The following TBC1D8 variants were observed in gnomAD, a reference collection of about 807,000 sequenced individuals.
The protein encoded by TBC1D8 is TBC1 domain family member 8, also known as BUB2-like protein 1.
Under a neutral mutation model 118.8 loss-of-function variants are expected in TBC1D8, and 65 were observed. The ratio of observed to expected loss-of-function variants is 0.55; its 90% CI spans 0.45 to 0.67. TBC1D8 has a LOEUF of 0.67. Ranked by LOEUF, TBC1D8 falls within the 30% of genes least tolerant of loss-of-function variation. The pLI, the probability that TBC1D8 is intolerant of heterozygous loss-of-function variation, is 0.00. For synonymous variants in TBC1D8, 566 were observed against 595.8 expected (o/e 0.95, Z 0.73); for missense variants, 1,376 against 1,471.2 (o/e 0.94, Z 1.06).
At chr2:101,022,124 G>C (rs1273174294) in intron 16 of TBC1D8, among the ~76,000 whole-genome samples, 157 bp downstream of exon 16, 1 of 152,120 alleles carries the variant, frequency 6.6e-6, no homozygotes, top group Non-Finnish European at 1.5e-5. Flanking sequence ...TCCTGAGAGG[G>C]GCCTGCAGAG....
intron 4 of TBC1D8, 44 bp from the exon 5 acceptor site, chr2:101,050,685 G>T: frequency 6.3e-7 from 1 of 1,592,690 alleles, no homozygotes; most frequent in South Asian, 1.1e-5. Flanking sequence ...CATGAAATTT[G>T]AGCCAAACTT....
At chr2:101,109,301 G>A (rs936470327) in intron 1 of TBC1D8, among the ~76,000 whole-genome samples, 9 of 152,150 alleles carry the variant, frequency 5.9e-5, no homozygotes, top group East Asian at 1.9e-4. Context: ...GGGAAGATAC[G>A]GGTGAGAAAA....
intron 11 of TBC1D8, among the ~76,000 whole-genome samples, chr2:101,030,179 C>G (rs1680585284): frequency 1.3e-5 from 2 of 152,132 alleles, no homozygotes; most frequent in Admixed American, 1.3e-4. Flanking sequence ...AAATTGTAAA[C>G]TGGACTTCAT....
intron 1 of TBC1D8, among the ~76,000 whole-genome samples, chr2:101,107,395 C>A (rs1231084436): frequency 6.6e-6 from 1 of 151,888 alleles, no homozygotes; most frequent in African/African-American, 2.4e-5. Flanking sequence ...TATGGAAGAT[C>A]CAATCTCTCT....
intron 1 of TBC1D8, among the ~76,000 whole-genome samples, chr2:101,117,871 G>A (rs1348352771): frequency 7.3e-6 from 1 of 136,500 alleles, no homozygotes; most frequent in Admixed American, 8.0e-5. Context: ...CACCGCACCC[G>A]GCCTTTTTTT....
At chr2:101,106,831 A>T (rs1196716446) in intron 1 of TBC1D8, among the ~76,000 whole-genome samples, 3 of 152,216 alleles carry the variant, frequency 2.0e-5, no homozygotes, top group Non-Finnish European at 4.4e-5. Flanking sequence ...ACTGTGCCCT[A>T]CAGTGCACTG....
intron 1 of TBC1D8, among the ~76,000 whole-genome samples, chr2:101,091,898 C>G (rs1348514139): frequency 6.6e-6 from 1 of 152,192 alleles, no homozygotes; most frequent in Non-Finnish European, 1.5e-5. Flanking sequence ...TTAACCACCT[C>G]AAGTGTAAAG....
chr2:101,083,581 T>C (rs1441944203), intron 2 of TBC1D8, among the ~76,000 whole-genome samples: 1 of 152,204 alleles, frequency 6.6e-6, no homozygotes, highest in Non-Finnish European at 1.5e-5. Context: ...TGCCAAATAA[T>C]AATGTAGTTC....
rs985895936 is a variant in TBC1D8 at position 101,124,000 on chromosome 2, G to C, written c.127+27127C>G. On this transcript the variant is annotated intron_variant, in intron 1 of 19. Transcript: ENST00000409318. Reference sequence around the variant, plus strand: ...AACATCGGCCATGGACTTGGTGCTTGGACTCAATCTCCAGCCCCTGTTGTC... The same window carrying C: ...AACATCGGCCATGGACTTGGTGCTTCGACTCAATCTCCAGCCCCTGTTGTC... Among the ~76,000 whole-genome samples, 4 of 152,156 alleles carry C rather than the reference G, an allele frequency of 2.6e-5. No individual in the cohort carries two copies. In the South Asian group the frequency reaches 6.2e-4, roughly 24 times the overall value.
intron 1 of TBC1D8, among the ~76,000 whole-genome samples, chr2:101,134,778 G>C (rs1678765930): frequency 6.6e-6 from 1 of 152,224 alleles, no homozygotes. Context: ...TTAGGGGGCA[G>C]GGGGACACAT....
At chr2:101,075,540 A>C (rs537066195) in intron 2 of TBC1D8, among the ~76,000 whole-genome samples, 4 of 152,266 alleles carry the variant, frequency 2.6e-5, no homozygotes, top group South Asian at 4.1e-4. Context: ...TCATGAGGGC[A>C]GTTTCCCACA....
In TBC1D8 at chr2:101,022,284, G is replaced by C. The variant is rs1297714872; in HGVS notation, c.2758C>G (p.Leu920Val). ...GCGAAATCCCACAGAGGCATACCGA[G>C]GCAGCTCACAAACGCTTTGAACTCG... is the stretch of plus-strand genomic sequence containing the variant. ...LIEFKAFVSC[L>V]DIMYNGEMNE... The change falls in exon 16 of 20, where the codon CTC becomes GTC. Residue 920 changes from leucine to valine, a missense_variant. Leu to Val is a conservative substitution (Grantham distance 32). Coordinates refer to ENST00000409318, the MANE Select transcript of TBC1D8 (RefSeq NM_001330348.2). 6.2e-7 allele frequency: 1 copy of C among 1,613,442 alleles called. No homozygotes were observed. Among genetic ancestry groups the C allele is most frequent in the African/African-American group, 1.3e-5 (1 of 74,912 alleles).
chr2:101,091,552 T>C (rs1423868027), intron 1 of TBC1D8, among the ~76,000 whole-genome samples: 2 of 151,832 alleles, frequency 1.3e-5, no homozygotes, highest in Admixed American at 1.3e-4. Context: ...CAGTGAGATC[T>C]CATCTCTACA....
rs374347377 is a variant in TBC1D8 at position 101,022,270 on chromosome 2, C to T, written c.2761+11G>A. 2.5e-6 allele frequency: 4 copies of T among 1,613,390 alleles called. No individual in the cohort carries two copies. Among genetic ancestry groups the T allele is most frequent in the Non-Finnish European group, 3.4e-6 (4 of 1,179,702 alleles). ...CAAAGCACATCACTGCGAAATCCCACAGAGGCATACCGAGGCAGCTCACAA... is the reference window on the plus strand; with the variant it reads ...CAAAGCACATCACTGCGAAATCCCATAGAGGCATACCGAGGCAGCTCACAA... On this transcript the variant is annotated intron_variant, in intron 16 of 19. Coordinates refer to ENST00000409318, the MANE Select transcript of TBC1D8 (RefSeq NM_001330348.2).
In TBC1D8 at chr2:101,105,682, T is replaced by C. The variant is rs780101726; in HGVS notation, c.128-15318A>G. ...TAAATTAAAACAAGATACCATTATA[T>C]ACTTAATAGAATGGCTAAAATCCAA... On this transcript the variant is annotated intron_variant, in intron 1 of 19. Transcript: ENST00000409318. Among the ~76,000 whole-genome samples the C allele has an allele frequency of 9.9e-5, 15 of 151,764 alleles. No individual in the cohort carries two copies. In the South Asian group the frequency reaches 2.5e-3, roughly 25 times the overall value.
chr2:101,037,739 A>T, intron 7 of TBC1D8, 31 bp from the exon 8 acceptor site: 1 of 1,608,498 alleles, frequency 6.2e-7, no homozygotes. Context: ...AGACAGAGAG[A>T]GAGAGGAGAG....
intron 3 of TBC1D8, among the ~76,000 whole-genome samples, chr2:101,056,526 T>C (rs973647536): frequency 1.3e-5 from 2 of 152,236 alleles, no homozygotes; most frequent in Non-Finnish European, 2.9e-5. Flanking sequence ...ATCTGGAGGC[T>C]GATGAAATTT....
At chr2:101,096,459 G>A (rs963293754) in intron 1 of TBC1D8, among the ~76,000 whole-genome samples, 3 of 125,018 alleles carry the variant, frequency 2.4e-5, no homozygotes, top group Non-Finnish European at 3.3e-5. Flanking sequence ...TATAATGCAC[G>A]CTACAACAAA....
chr2:101,075,537 G>C (rs931380029), intron 2 of TBC1D8, among the ~76,000 whole-genome samples: 1 of 152,110 alleles, frequency 6.6e-6, no homozygotes, highest in Non-Finnish European at 1.5e-5. Context: ...GAATCATGAG[G>C]GCAGTTTCCC....
Sources: allele counts gnomAD v4.1 joint callset (sites outside exome capture counted in the v4.1 genomes callset), GRCh38; gene constraint gnomAD v4.1.1; transcripts MANE v1.5; gene names NCBI Gene and HGNC (gene_info 2026-07-23, HGNC 2026-07-21).